ITPR2: variants seen among roughly 807,000 people sequenced by gnomAD.
The protein encoded by ITPR2 is inositol 1,4,5-trisphosphate receptor type 2.
Under a neutral mutation model 317.1 loss-of-function variants are expected in ITPR2, and 207 were observed. The observed-to-expected ratio is 0.65, with a 90% CI of 0.58 to 0.73. The LOEUF (loss-of-function observed/expected upper bound fraction) is 0.73. Ranked by LOEUF, ITPR2 falls within the 30% of genes least tolerant of loss-of-function variation. The pLI, the probability that ITPR2 is intolerant of heterozygous loss-of-function variation, is 0.00. For synonymous variants in ITPR2, 1,156 were observed against 1,149.1 expected (o/e 1.01, Z -0.12); for missense variants, 2,613 against 3,284.0 (o/e 0.80, Z 4.99).
chr12:26,691,510 A>G (rs1948239707), intron 10 of ITPR2, among the ~76,000 whole-genome samples: 1 of 152,154 alleles, frequency 6.6e-6, no homozygotes, highest in South Asian at 2.1e-4. Context: ...AACCTGGTCT[A>G]CTGAGCTCTT....
At chr12:26,456,819 C>T (rs59097759) in intron 45 of ITPR2, among the ~76,000 whole-genome samples, 17,605 of 152,168 alleles carry the variant, frequency 0.12, 2,554 homozygotes, top group African/African-American at 0.34. Context: ...ATTACAGGCA[C>T]TTGCCATCAC....
At chr12:26,555,196 G>A (rs751965240) in intron 36 of ITPR2, among the ~76,000 whole-genome samples, 1 of 152,166 alleles carries the variant, frequency 6.6e-6, no homozygotes, top group Non-Finnish European at 1.5e-5. Context: ...CACTCCCAAG[G>A]TTCCAGCTTA....
intron 39 of ITPR2, among the ~76,000 whole-genome samples, chr12:26,490,643 C>T (rs1401171868): frequency 6.6e-6 from 1 of 152,136 alleles, no homozygotes; most frequent in Non-Finnish European, 1.5e-5. Context: ...GAAACCCTGT[C>T]TCTACTAAAA....
intron 2 of ITPR2, among the ~76,000 whole-genome samples, chr12:26,789,563 AGTTT>A (rs1950309702): frequency 6.6e-6 from 1 of 152,210 alleles, no homozygotes; most frequent in South Asian, 2.1e-4. Context: ...TTTAATGACT[AGTTT>A]TAGCTTTCTG....
In ITPR2 at chr12:26,428,002, C is replaced by T. The variant is rs1283817504; in HGVS notation, c.6856G>A (p.Gly2286Ser). Reference protein sequence around the residue: ...SMLFFFSKPVGIRPFLVSIML... With the variant: ...SMLFFFSKPVSIRPFLVSIML... ...ATTGATACAAGAAACGGCCGAATAC[C>T]CACAGGCTTGGAGAAGAAAAACAGC... The change falls in exon 49 of 57, where the codon GGT becomes AGT. Residue 2286 changes from glycine (G) to serine (S), a missense_variant. Physicochemically the swap from Gly to Ser is moderately conservative, Grantham distance 56. Around this residue, in one of 9 missense-constraint regions of ITPR2, gnomAD observed 926 missense variants for 1,072.8 expected, o/e 0.86. Coordinates refer to ENST00000381340, the MANE Select transcript of ITPR2 (RefSeq NM_002223.4). The T allele has an allele frequency of 4.3e-6, 7 of 1,612,530 alleles. No individual in the cohort carries two copies. The South Asian group carries it at 6.6e-5, about 15-fold the overall frequency.
At chr12:26,602,271 TA>T in intron 28 of ITPR2, 98 bp downstream of exon 28, 2 of 1,358,940 alleles carry the variant, frequency 1.5e-6, no homozygotes, top group Non-Finnish European at 1.0e-6. Flanking sequence ...TGATTTATTC[TA>T]AAATAATTAA....
At position 26,561,955 on chromosome 12, in the gene ITPR2, G is replaced by A. The variant is rs1211147718; in HGVS notation, c.4631-3C>T. 3 of 1,502,834 alleles carry A rather than the reference G, an allele frequency of 2.0e-6. No individual in the cohort carries two copies. Among genetic ancestry groups the A allele is most frequent in the Non-Finnish European group, 2.7e-6 (3 of 1,131,986 alleles). The allele number at this position is 1,502,834 out of a possible 1,614,324, so 93.1% of individuals were successfully genotyped here. The stretch of plus-strand genomic sequence containing the variant: ...AATGGCAATTCCACGATTTTTTGCT[G>A]AAAAAGAAAGATTTAAAATATTTCC... On this transcript the variant is annotated splice_polypyrimidine_tract_variant and splice_region_variant and intron_variant, in intron 34 of 56. Transcript: ENST00000381340.
At chr12:26,672,336 T>TTATA (rs1401200402) in intron 13 of ITPR2, among the ~76,000 whole-genome samples, 1 of 151,988 alleles carries the variant, frequency 6.6e-6, no homozygotes, top group Non-Finnish European at 1.5e-5. Context: ...AGAGCAGAAA[T>TTATA]TATAACAAAC....
chr12:26,584,635 T>C (rs1945478366), intron 32 of ITPR2, among the ~76,000 whole-genome samples: 1 of 152,238 alleles, frequency 6.6e-6, no homozygotes, highest in Admixed American at 6.5e-5. Context: ...ATATCTGTGA[T>C]GTCCAATATG....
intron 52 of ITPR2, among the ~76,000 whole-genome samples, chr12:26,410,251 C>T (rs1940497850): frequency 6.6e-6 from 1 of 152,116 alleles, no homozygotes; most frequent in Non-Finnish European, 1.5e-5. Flanking sequence ...TATTGTGAGC[C>T]TTGACTGGGA....
chr12:26,681,408 A>G (rs1393664024), intron 13 of ITPR2, among the ~76,000 whole-genome samples: 1 of 152,074 alleles, frequency 6.6e-6, no homozygotes, highest in African/African-American at 2.4e-5. Context: ...TGAACAAGGT[A>G]TGAGGGCAGA....
chr12:26,377,830 C>T (rs1282707607), intron 55 of ITPR2, among the ~76,000 whole-genome samples: 1 of 152,128 alleles, frequency 6.6e-6, no homozygotes, highest in African/African-American at 2.4e-5. Flanking sequence ...ATATCATATC[C>T]TTAATTCGTT....
intron 55 of ITPR2, among the ~76,000 whole-genome samples, chr12:26,379,657 C>T (rs1308340450): frequency 6.6e-6 from 1 of 152,150 alleles, no homozygotes; most frequent in African/African-American, 2.4e-5. Context: ...ACCACGCCTC[C>T]TCTGCATGAT....
intron 45 of ITPR2, among the ~76,000 whole-genome samples, chr12:26,448,758 A>G (rs1941671220): frequency 6.6e-6 from 1 of 152,184 alleles, no homozygotes; most frequent in Non-Finnish European, 1.5e-5. Context: ...AATCATGCAT[A>G]TCATTATCAA....
chr12:26,590,114 G>A (rs1292299336), intron 32 of ITPR2, among the ~76,000 whole-genome samples: 1 of 151,986 alleles, frequency 6.6e-6, no homozygotes, highest in African/African-American at 2.4e-5. Flanking sequence ...TATCTGACCA[G>A]CTGTTGGGGA....
intron 1 of ITPR2, among the ~76,000 whole-genome samples, chr12:26,826,039 T>C (rs1265559914): frequency 6.6e-6 from 1 of 152,154 alleles, no homozygotes; most frequent in African/African-American, 2.4e-5. Context: ...ATACTAAACA[T>C]CTTATACAAA....
At chr12:26,666,206 A>T (rs1175612422) in intron 13 of ITPR2, among the ~76,000 whole-genome samples, 155 bp from the exon 14 acceptor site, 1 of 143,932 alleles carries the variant, frequency 6.9e-6, no homozygotes. Context: ...AAATCCATGG[A>T]AATTTCTTTT....
intron 51 of ITPR2, 41 bp from the exon 52 acceptor site, chr12:26,411,453 TG>T (rs1341099859): frequency 7.4e-7 from 1 of 1,352,088 alleles, no homozygotes; most frequent in Admixed American, 1.7e-5. Flanking sequence ...GAGTCAAATA[TG>T]CACATGATGA....
At chr12:26,691,027 T>A (rs903890586) in intron 10 of ITPR2, among the ~76,000 whole-genome samples, 1 of 152,224 alleles carries the variant, frequency 6.6e-6, no homozygotes, top group African/African-American at 2.4e-5. Context: ...AGAAGTTTTT[T>A]AAAACAGTGC....
Sources: allele counts gnomAD v4.1 joint callset (sites outside exome capture counted in the v4.1 genomes callset), GRCh38; gene constraint gnomAD v4.1.1; regional missense constraint gnomAD v4.1.1; transcripts MANE v1.5; gene names NCBI Gene and HGNC (gene_info 2026-07-23, HGNC 2026-07-21).